The following N4BP2 variants were observed in gnomAD, a reference collection of about 807,000 sequenced individuals.
N4BP2 encodes NEDD4-binding protein 2.
In N4BP2, 91 loss-of-function variants were observed where a neutral mutation model predicts 152.8. That is an observed-to-expected ratio of 0.60 (90% CI 0.50 to 0.71). N4BP2 has a LOEUF of 0.71. N4BP2 is among the 30% of genes least tolerant of loss of function. The pLI is 0.00. For synonymous variants in N4BP2, 646 were observed against 705.3 expected (o/e 0.92, Z 1.33); for missense variants, 1,923 against 2,059.1 (o/e 0.93, Z 1.28).
Position 40,124,165 on chromosome 4 carries a change from A to T in N4BP2, c.4290A>T (p.Arg1430=). ...HEKWKESVME[R]QRQEEVSCGK... is the part of the protein sequence containing the mutation. The stretch of plus-strand genomic sequence containing the variant: ...TGCCTGGCTTTTGTGTTTAGGAGCG[A>T]CAAAGACAAGAAGAGGTGTCTTGTG... Residue 1430 remains arginine (R), a synonymous_variant, in exon 11 of 18, where the codon CGA becomes CGT. Coordinates refer to ENST00000261435, the MANE Select transcript of N4BP2 (RefSeq NM_018177.6). 1 of 1,609,554 alleles carries T rather than the reference A, an allele frequency of 6.2e-7. No homozygotes were observed. Among genetic ancestry groups the T allele is most frequent in the South Asian group, 1.1e-5 (1 of 90,644 alleles).
At chr4:40,116,994 G>T (rs1201647363) in intron 7 of N4BP2, among the ~76,000 whole-genome samples, 1 of 152,026 alleles carries the variant, frequency 6.6e-6, no homozygotes, top group African/African-American at 2.4e-5. Flanking sequence ...ATTTCTGGTT[G>T]CTTTTAATAT....
chr4:40,174,722 A>G, the N4BP2 span, among the ~76,000 whole-genome samples: 1 of 152,068 alleles, frequency 6.6e-6, no homozygotes, highest in Admixed American at 6.6e-5. Flanking sequence ...GAATCGCTTG[A>G]GCCTGGGAGG....
At chr4:40,063,984 G>C (rs142619918) in intron 1 of N4BP2, among the ~76,000 whole-genome samples, 6 of 151,192 alleles carry the variant, frequency 4.0e-5, no homozygotes, top group Middle Eastern at 3.4e-3. Flanking sequence ...GGGGCGGCAG[G>C]GGGGGGTCTC....
intron 14 of N4BP2, among the ~76,000 whole-genome samples, chr4:40,139,491 C>CTTT (rs1226118008): frequency 4.2e-4 from 53 of 125,768 alleles, no homozygotes; most frequent in Admixed American, 1.8e-3. Context: ...CAGCATTAGG[C>CTTT]TTTTTTTTTT....
chr4:40,123,915 C>T (rs1718157358), intron 10 of N4BP2, among the ~76,000 whole-genome samples: 1 of 125,618 alleles, frequency 8.0e-6, no homozygotes, highest in East Asian at 2.1e-4. Context: ...GACCATTCTT[C>T]ATAACAAGAA....
chr4:40,123,760 T>C (rs142118972), intron 10 of N4BP2, among the ~76,000 whole-genome samples: 97 of 152,158 alleles, frequency 6.4e-4, no homozygotes, highest in African/African-American at 2.3e-3. Flanking sequence ...GTTGGGATTA[T>C]AGGCATGAGC....
rs117959423 is a variant in N4BP2, at chr4:40,143,324, A to T, written c.4974+463A>T. On this transcript the variant is annotated intron_variant, in intron 15 of 17. Transcript: ENST00000261435. ...AGGAACTTGCTTTATTTATTTATTT[A>T]TTTTTTTAAGATAAGGTCTTGCTCT... Among the ~76,000 whole-genome samples, 718 of 152,034 alleles carry T rather than the reference A, an allele frequency of 4.7e-3. 12 individuals carry two copies. The highest frequency in any genetic ancestry group is 0.037 in the East Asian group (189 of 5,172).
chr4:40,062,235 C>T (rs542008932), intron 1 of N4BP2, among the ~76,000 whole-genome samples: 15 of 151,942 alleles, frequency 9.9e-5, no homozygotes, highest in South Asian at 2.1e-4. Flanking sequence ...CCCACCACCA[C>T]GCCCGGCTAA....
At chr4:40,117,553 A>C (rs1444275781) in intron 7 of N4BP2, among the ~76,000 whole-genome samples, 1 of 152,246 alleles carries the variant, frequency 6.6e-6, no homozygotes, top group Non-Finnish European at 1.5e-5. Flanking sequence ...GTTCAACCAA[A>C]TATGAGCTTA....
chr4:40,111,148 A>C (rs1186395815), intron 5 of N4BP2, among the ~76,000 whole-genome samples: 2 of 152,206 alleles, frequency 1.3e-5, no homozygotes, highest in African/African-American at 4.8e-5. Flanking sequence ...CAGAGATACT[A>C]TGGAAAGCTT....
chr4:40,154,272 G>T lies in N4BP2; in HGVS notation c.*35G>T. 1 of 1,458,650 alleles carries T rather than the reference G, an allele frequency of 6.9e-7. No individual in the cohort carries two copies. The allele number at this position is 1,458,650 out of a possible 1,614,324, so 90.4% of individuals were successfully genotyped here. A position where few individuals can be genotyped will look rare whatever the true frequency, so the allele number is the denominator to read the frequency against. ...CCTTGAATTAGAAGTATGAAGGTTT[G>T]TAGGTTAAAATTACTTTTATTTGCA... On this transcript the variant is annotated 3_prime_UTR_variant, in exon 18 of 18. Coordinates refer to ENST00000261435, the MANE Select transcript of N4BP2 (RefSeq NM_018177.6).
intron 14 of N4BP2, among the ~76,000 whole-genome samples, chr4:40,138,837 T>C (rs1043295473): frequency 6.6e-6 from 1 of 152,238 alleles, no homozygotes; most frequent in Admixed American, 6.5e-5. Flanking sequence ...TAGTAAGTTT[T>C]GAAATTGGGA....
At chr4:40,166,516 C>T in the N4BP2 span, among the ~76,000 whole-genome samples, 8 of 151,868 alleles carry the variant, frequency 5.3e-5, no homozygotes, top group Admixed American at 2.6e-4. Context: ...ATGGAGAAAC[C>T]CTGTCTCTAC....
At position 40,136,893 on chromosome 4, in the gene N4BP2, A is replaced by G. The variant is rs369816628; in HGVS notation, c.4647-51A>G. 7.6e-5 allele frequency: 107 copies of G among 1,414,188 alleles called. No homozygotes were observed. In the African/African-American group the frequency reaches 1.4e-3, roughly 19 times the overall value. 87.6% of individuals were successfully genotyped at this position (1,414,188 alleles called of 1,614,324 possible). A position where few individuals can be genotyped will look rare whatever the true frequency, so the allele number is the denominator to read the frequency against. On this transcript the variant is annotated intron_variant, in intron 13 of 17. Transcript: ENST00000261435. ...AAGATTGCTTGTGTTAATGTCCCAC[A>G]CAACTTATTTTCATTTATTGACATT...
intron 1 of N4BP2, among the ~76,000 whole-genome samples, chr4:40,066,455 A>C (rs1281606599): frequency 6.6e-6 from 1 of 151,676 alleles, no homozygotes; most frequent in East Asian, 1.9e-4. Flanking sequence ...AGTACCTGGG[A>C]CTACAGGCAT....
the N4BP2 span, among the ~76,000 whole-genome samples, chr4:40,183,098 C>G: frequency 6.6e-6 from 1 of 152,194 alleles, no homozygotes; most frequent in East Asian, 1.9e-4. Context: ...TTTGCTTCCT[C>G]ATAGTCTTTG....
intron 2 of N4BP2, among the ~76,000 whole-genome samples, chr4:40,073,942 G>A (rs144762362): frequency 0.019 from 2,906 of 152,124 alleles, 111 homozygotes; most frequent in African/African-American, 0.066. Context: ...ACAGGCGCAT[G>A]CCACCACATC....
Position 40,137,667 on chromosome 4 carries a change from C to T in N4BP2, c.4785+585C>T, listed in dbSNP as rs192011990. ...TATCATACTCACAGAGTTCTGGAAA[C>T]AGGAGGTATGGCTTGCTACCCAAGT... On this transcript the variant is annotated intron_variant, in intron 14 of 17. Coordinates refer to ENST00000261435, the MANE Select transcript of N4BP2 (RefSeq NM_018177.6). Among the ~76,000 whole-genome samples the T allele has an allele frequency of 4.6e-5, 7 of 152,086 alleles. No individual in the cohort carries two copies. The East Asian group carries it at 1.2e-3, about 25-fold the overall frequency.
Position 40,142,686 on chromosome 4 carries a change from A to G in N4BP2, c.4799A>G (p.Lys1600Arg). Residue 1600 changes from lysine to arginine, a missense_variant, in exon 15 of 18, where the codon AAA becomes AGA. Physicochemically the swap from Lys to Arg is conservative, Grantham distance 26. Transcript: ENST00000261435. ...AATATCTTATAGCCAAAGAAATTAAAAGAGACTGAAGAAACACCAAGTGAA... is the reference window on the plus strand; with the variant it reads ...AATATCTTATAGCCAAAGAAATTAAGAGAGACTGAAGAAACACCAAGTGAA... ...KSKEKKPKKLKETEETPSELS... is the reference protein window; with the variant it reads ...KSKEKKPKKLRETEETPSELS... 1 of 1,605,900 alleles carries G rather than the reference A, an allele frequency of 6.2e-7. No homozygotes were observed.
Sources: allele counts gnomAD v4.1 joint callset (sites outside exome capture counted in the v4.1 genomes callset), GRCh38; gene constraint gnomAD v4.1.1; transcripts MANE v1.5; gene names NCBI Gene and HGNC (gene_info 2026-07-23, HGNC 2026-07-21).